ANO6: variants seen among roughly 807,000 people sequenced by gnomAD.
The protein encoded by ANO6 is anoctamin-6.
A neutral mutation model predicts 117.5 loss-of-function variants in ANO6; 106 were observed. That is an observed-to-expected ratio of 0.90 (90% CI 0.77 to 1.06). The LOEUF is 1.06. Among genes scored for constraint, ANO6 ranks in the 50% least tolerant of loss-of-function variants. The pLI is 0.00. For missense variants in ANO6, 955 were observed against 1,121.1 expected, an observed-to-expected ratio of 0.85 and a Z score of 2.12; for synonymous variants, 367 against 385.1, an observed-to-expected ratio of 0.95 and a Z score of 0.55.
At chr12:45,256,797 T>C (rs1937850653) in intron 1 of ANO6, 1 of 152,268 alleles carries the variant, frequency 6.6e-6, no homozygotes, top group Non-Finnish European at 1.5e-5. Context: ...AAATTATTCA[T>C]AAATGTATTT....
chr12:45,430,348 A>G lies in ANO6; in HGVS notation c.*1037A>G. 1.0e-6 allele frequency: 1 copy of G among 985,456 alleles called. No homozygotes were observed. The highest frequency in any genetic ancestry group is 4.7e-5 in the South Asian group (1 of 21,284). The allele number at this position is 985,456 out of a possible 1,614,324, so 61.0% of individuals were successfully genotyped here. A position where few individuals can be genotyped will look rare whatever the true frequency, so the allele number is the denominator to read the frequency against. On this transcript the variant is annotated 3_prime_UTR_variant, in exon 20 of 20. Coordinates refer to ENST00000320560, the MANE Select transcript of ANO6 (RefSeq NM_001025356.3). ...TTGGGGTACAACTGTGTGCATGGGC[A>G]GAAACAGCAAGTGCCCTCATTGTGG...
chr12:45,435,523 A>G (rs879404277), downstream of ANO6, among the ~76,000 whole-genome samples: 1 of 152,212 alleles, frequency 6.6e-6, no homozygotes, highest in Non-Finnish European at 1.5e-5. Context: ...CCTGAGGCAA[A>G]TGTACTCCCC....
intron 1 of ANO6, chr12:45,292,972 G>A (rs1188287045): frequency 6.4e-7 from 1 of 1,551,084 alleles, no homozygotes; most frequent in Non-Finnish European, 8.7e-7. Context: ...TGCTGGAACA[G>A]TGAGCAGTGG....
At chr12:45,361,709 A>C (rs1941559722) in intron 8 of ANO6, among the ~76,000 whole-genome samples, 1 of 151,866 alleles carries the variant, frequency 6.6e-6, no homozygotes, top group Non-Finnish European at 1.5e-5. Flanking sequence ...ATGATGTTGG[A>C]TTTTGCCAGA....
chr12:45,222,580 A>G (rs1290599109), intron 1 of ANO6, among the ~76,000 whole-genome samples: 1 of 152,174 alleles, frequency 6.6e-6, no homozygotes, highest in Non-Finnish European at 1.5e-5. Flanking sequence ...AACTCTTGCT[A>G]TAATGTTGGG....
chr12:45,370,477 G>C (rs1419757211), intron 9 of ANO6, among the ~76,000 whole-genome samples: 1 of 152,192 alleles, frequency 6.6e-6, no homozygotes, highest in Non-Finnish European at 1.5e-5. Context: ...GTAGAGCTAA[G>C]AATTCACAGG....
rs1942795471 is a variant in ANO6 at position 45,401,807 on chromosome 12, A to T, written c.1399A>T (p.Ile467Phe). The change falls in exon 13 of 20, where the codon ATC becomes TTC. Residue 467 changes from isoleucine (I) to phenylalanine (F), a missense_variant. Transcript: ENST00000320560. ...SAVFFWILLI[I>F]ASVIGIIVYR... The stretch of plus-strand genomic sequence containing the variant: ...GTTGTGCTTTCAGATCCTATTGATC[A>T]TCGCTTCAGTTATTGGGATCATTGT... 1 of 1,613,234 alleles carries T rather than the reference A, an allele frequency of 6.2e-7. No homozygotes were observed. The highest frequency in any genetic ancestry group is 1.7e-5 in the Admixed American group (1 of 59,944).
At chr12:45,245,140 G>A (rs1947805336) in intron 1 of ANO6, among the ~76,000 whole-genome samples, 2 of 152,286 alleles carry the variant, frequency 1.3e-5, no homozygotes, top group East Asian at 1.9e-4. Flanking sequence ...ATGAAATTAT[G>A]TATGTGCCAG....
intron 1 of ANO6, among the ~76,000 whole-genome samples, chr12:45,266,474 C>T (rs1938219257): frequency 6.6e-6 from 1 of 152,122 alleles, no homozygotes; most frequent in Non-Finnish European, 1.5e-5. Context: ...TTGTTTTAAA[C>T]ATTGGTGCCA....
chr12:45,258,629 G>A (rs756370768), intron 1 of ANO6, among the ~76,000 whole-genome samples: 12 of 152,022 alleles, frequency 7.9e-5, no homozygotes, highest in Admixed American at 1.3e-4. Context: ...CTGTGATTCT[G>A]CTGCATGCCT....
Position 45,350,844 on chromosome 12 carries a change from C to G in ANO6, c.863+70C>G, listed in dbSNP as rs940026979. ...TTACCCCCACAGCATCTGAATGTGA[C>G]AGTACTCATCAAGACTCTTGCCAGT... On this transcript the variant is annotated intron_variant, in intron 7 of 19. Coordinates refer to ENST00000320560, the MANE Select transcript of ANO6 (RefSeq NM_001025356.3). The G allele has an allele frequency of 1.9e-5, 24 of 1,269,158 alleles. No homozygotes were observed. The African/African-American group carries it at 3.2e-4, about 17-fold the overall frequency. 78.6% of individuals were successfully genotyped at this position (1,269,158 alleles called of 1,614,324 possible).
At chr12:45,232,368 C>T (rs1411199778) in intron 1 of ANO6, among the ~76,000 whole-genome samples, 1 of 152,032 alleles carries the variant, frequency 6.6e-6, no homozygotes, top group African/African-American at 2.4e-5. Flanking sequence ...GCAGGGAAGA[C>T]AAACATACCA....
chr12:45,365,891 A>AGGG (rs1312678889), intron 8 of ANO6, among the ~76,000 whole-genome samples: 1 of 152,208 alleles, frequency 6.6e-6, no homozygotes, highest in Non-Finnish European at 1.5e-5. Context: ...GAGTTCTGCA[A>AGGG]AGGCTGATTT....
chr12:45,425,834 C>G (rs538099907), intron 19 of ANO6, among the ~76,000 whole-genome samples: 3 of 152,240 alleles, frequency 2.0e-5, no homozygotes, highest in Admixed American at 6.5e-5. Flanking sequence ...ATGAAGCCAA[C>G]CCTATTCATT....
chr12:45,370,017 C>T (rs1260430473), intron 9 of ANO6, among the ~76,000 whole-genome samples: 2 of 152,192 alleles, frequency 1.3e-5, no homozygotes, highest in Non-Finnish European at 2.9e-5. Context: ...GGTTTCTCTG[C>T]TTAAAATCAT....
At chr12:45,407,755 T>A (rs1942979567) in intron 15 of ANO6, among the ~76,000 whole-genome samples, 1 of 152,148 alleles carries the variant, frequency 6.6e-6, no homozygotes, top group South Asian at 2.1e-4. Context: ...TTAGGAAACG[T>A]GCTACATCCG....
At position 45,432,005 on chromosome 12, in the gene ANO6, C is replaced by T. The variant is rs1943643472; in HGVS notation, c.*2694C>T. The T allele has an allele frequency of 2.0e-6, 2 of 985,338 alleles. No individual in the cohort carries two copies. Among genetic ancestry groups the T allele is most frequent in the Non-Finnish European group, 2.4e-6 (2 of 829,878 alleles). 61.0% of individuals were successfully genotyped at this position (985,338 alleles called of 1,614,324 possible). On this transcript the variant is annotated 3_prime_UTR_variant, in exon 20 of 20. Coordinates refer to ENST00000320560, the MANE Select transcript of ANO6 (RefSeq NM_001025356.3). Reference sequence around the variant, plus strand: ...TTATTTTAAAACTAAACAAGGCCATCTTATAAACTGTCACCAAAGTCTTCC... The same window carrying T: ...TTATTTTAAAACTAAACAAGGCCATTTTATAAACTGTCACCAAAGTCTTCC...
At chr12:45,291,198 C>T (rs1565667827) in intron 1 of ANO6, among the ~76,000 whole-genome samples, 1 of 151,638 alleles carries the variant, frequency 6.6e-6, no homozygotes, top group Non-Finnish European at 1.5e-5. Flanking sequence ...AAGGGAATAA[C>T]TGTTGGGCAT....
At chr12:45,417,502 T>TCATGCCC (rs1411429618) in intron 17 of ANO6, among the ~76,000 whole-genome samples, 1 of 152,148 alleles carries the variant, frequency 6.6e-6, no homozygotes, top group African/African-American at 2.4e-5. Flanking sequence ...TGAAGCAGCC[T>TCATGCCC]CATGCCCTGT....
Sources: gnomAD v4.1 joint callset for allele counts (sites outside exome capture counted in the v4.1 genomes callset) on GRCh38, gnomAD v4.1.1 for gene constraint, MANE v1.5 for transcripts, NCBI Gene and HGNC (gene_info 2026-07-23, HGNC 2026-07-21) for gene names.